CEP63: variants seen among roughly 807,000 people sequenced by gnomAD.
CEP63 encodes centrosomal protein of 63 kDa.
A neutral mutation model predicts 89.1 loss-of-function variants in CEP63; 84 were observed. That is an observed-to-expected ratio of 0.94 (90% CI 0.79 to 1.13). The LOEUF (loss-of-function observed/expected upper bound fraction) is 1.13. CEP63 is among the 50% of genes most tolerant of loss of function. The pLI, the probability that CEP63 is intolerant of heterozygous loss-of-function variation, is 0.00. For missense variants in CEP63, 838 were observed against 813.3 expected (o/e 1.03, Z -0.37); for synonymous variants, 267 against 272.5 (o/e 0.98, Z 0.20).
the CEP63 span, among the ~76,000 whole-genome samples, chr3:134,650,568 CA>C: frequency 3.9e-5 from 6 of 152,198 alleles, no homozygotes; most frequent in Admixed American, 2.6e-4. Context: ...AAAAGACTCC[CA>C]GGGGTGACGG....
chr3:134,661,807 GC>G, the CEP63 span, among the ~76,000 whole-genome samples: 3 of 149,320 alleles, frequency 2.0e-5, no homozygotes, highest in African/African-American at 7.4e-5. Context: ...GAATATTTGT[GC>G]CCCCCCCCTC....
the CEP63 span, among the ~76,000 whole-genome samples, chr3:134,696,692 G>GTA: frequency 6.6e-6 from 1 of 152,116 alleles, no homozygotes; most frequent in Non-Finnish European, 1.5e-5. Context: ...GTGTGTGTGT[G>GTA]TATATGTGTA....
the CEP63 span, among the ~76,000 whole-genome samples, chr3:134,702,440 A>G: frequency 6.6e-6 from 1 of 152,116 alleles, no homozygotes; most frequent in Admixed American, 6.5e-5. Context: ...AAAAGAACAA[A>G]GCTGGAGGCA....
the CEP63 span, among the ~76,000 whole-genome samples, chr3:134,666,401 C>T: frequency 4.6e-5 from 7 of 152,318 alleles, no homozygotes; most frequent in East Asian, 7.7e-4. Flanking sequence ...AAAAGTCTTT[C>T]GTAGGGATTG....
At chr3:134,519,343 A>T (rs1259596159) in intron 3 of CEP63, among the ~76,000 whole-genome samples, 1 of 151,386 alleles carries the variant, frequency 6.6e-6, no homozygotes, top group Non-Finnish European at 1.5e-5. Flanking sequence ...CATGTTGGTC[A>T]GGCTGGTCTC....
At chr3:134,782,117 G>A in the CEP63 span, among the ~76,000 whole-genome samples, 2 of 152,232 alleles carry the variant, frequency 1.3e-5, no homozygotes, top group South Asian at 2.1e-4. Flanking sequence ...CAAATATTCT[G>A]TCTGTGCCTA....
chr3:134,745,030 T>C, the CEP63 span, among the ~76,000 whole-genome samples: 1 of 152,226 alleles, frequency 6.6e-6, no homozygotes, highest in Non-Finnish European at 1.5e-5. Flanking sequence ...ATCAAGGTAG[T>C]GAACATACCT....
At chr3:134,539,640 G>T (rs1404708103) in intron 6 of CEP63, among the ~76,000 whole-genome samples, 1 of 151,944 alleles carries the variant, frequency 6.6e-6, no homozygotes, top group Non-Finnish European at 1.5e-5. Flanking sequence ...ATTGAACAAT[G>T]ACAGTAGAAA....
At chr3:134,527,005 C>G (rs1465752507) in intron 3 of CEP63, among the ~76,000 whole-genome samples, 1 of 152,146 alleles carries the variant, frequency 6.6e-6, no homozygotes, top group East Asian at 1.9e-4. Flanking sequence ...TGCTCCCAGA[C>G]CACTAGTCAC....
At chr3:134,507,378 G>A (rs1943731986) in intron 3 of CEP63, 92 bp downstream of exon 3, 7 of 938,464 alleles carry the variant, frequency 7.5e-6, no homozygotes, top group Non-Finnish European at 1.2e-5. Context: ...GAAAGAATTT[G>A]TATACCAAGT....
chr3:134,652,921 G>A, the CEP63 span, among the ~76,000 whole-genome samples: 1 of 152,166 alleles, frequency 6.6e-6, no homozygotes, highest in East Asian at 1.9e-4. Flanking sequence ...TGATGGTGGG[G>A]GGAGCTGAAG....
the CEP63 span, among the ~76,000 whole-genome samples, chr3:134,728,387 C>T: frequency 2.0e-5 from 3 of 152,144 alleles, no homozygotes; most frequent in East Asian, 1.9e-4. Context: ...TAAAGATATG[C>T]TTAGTAATTT....
the CEP63 span, chr3:134,627,732 G>A: frequency 6.2e-7 from 1 of 1,609,342 alleles, no homozygotes; most frequent in South Asian, 1.1e-5. Context: ...CTTGAGAATT[G>A]TCCTGGAAGA....
intron 2 of CEP63, among the ~76,000 whole-genome samples, chr3:134,495,780 C>T (rs1939648544): frequency 6.6e-6 from 1 of 152,178 alleles, no homozygotes; most frequent in South Asian, 2.1e-4. Flanking sequence ...CTCTCTACCT[C>T]CATGAGGTGA....
At chr3:134,528,553 G>GGTGTGTGTGTGTGT (rs71139537) in intron 3 of CEP63, among the ~76,000 whole-genome samples, 1 of 108,820 alleles carries the variant, frequency 9.2e-6, no homozygotes, top group African/African-American at 3.1e-5. Flanking sequence ...CTTAAGGAGG[G>GGTGTGTGTGTGTGT]GTGTGTGTGT....
the CEP63 span, among the ~76,000 whole-genome samples, chr3:134,777,020 G>T: frequency 6.6e-6 from 1 of 152,166 alleles, no homozygotes; most frequent in South Asian, 2.1e-4. Flanking sequence ...TAAACATTAG[G>T]AAAGCCAACC....
the CEP63 span, chr3:134,628,188 A>G: frequency 3.9e-6 from 1 of 254,334 alleles, no homozygotes; most frequent in African/African-American, 2.2e-5. Context: ...TAATGCCGGG[A>G]TAAGAACTGA....
chr3:134,746,536 C>T, the CEP63 span, among the ~76,000 whole-genome samples: 104 of 152,352 alleles, frequency 6.8e-4, no homozygotes, highest in Non-Finnish European at 5.7e-4. Context: ...ACACTCCCAT[C>T]AACAGTGTAA....
chr3:134,643,187 CACCCATGGGAGCAGAGAGG>C, the CEP63 span: 55 of 766,224 alleles, frequency 7.2e-5, no homozygotes, highest in Non-Finnish European at 6.0e-5. Flanking sequence ...GGTTTTCCAA[CACCCATGGGAGCAGAGAGG>C]ACCCTGCTCC....
Sources: allele counts gnomAD v4.1 joint callset (sites outside exome capture counted in the v4.1 genomes callset), GRCh38; gene constraint gnomAD v4.1.1; transcripts MANE v1.5; gene names NCBI Gene and HGNC (gene_info 2026-07-23, HGNC 2026-07-21).